Variants in DTD1 observed in about 807,000 individuals in gnomAD.
DTD1 encodes D-tyrosyl-tRNA deacylase 1 homolog.
In DTD1, 13 loss-of-function variants were observed where a neutral mutation model predicts 25.6. The ratio of observed to expected loss-of-function variants is 0.51; its 90% CI spans 0.33 to 0.81. The LOEUF (loss-of-function observed/expected upper bound fraction) is 0.81. Ranked by LOEUF, DTD1 falls within the 30% of genes least tolerant of loss-of-function variation. The pLI is 0.02. For synonymous variants in DTD1, 110 were observed against 103.6 expected (o/e 1.06, Z -0.37); for missense variants, 193 against 266.4 (o/e 0.72, Z 1.92).
chr20:18,696,150 G>C (rs1353371450), intron 4 of DTD1, among the ~76,000 whole-genome samples: 1 of 152,146 alleles, frequency 6.6e-6, no homozygotes, highest in African/African-American at 2.4e-5. Flanking sequence ...CTTCTGTAAA[G>C]AGCACATCTC....
At chr20:18,699,771 TGTGTGTGTAC>T (rs1434142661) in intron 4 of DTD1, among the ~76,000 whole-genome samples, 4 of 152,138 alleles carry the variant, frequency 2.6e-5, no homozygotes, top group African/African-American at 7.2e-5. Flanking sequence ...TGTGTGTTTG[TGTGTGTGTAC>T]GTGTGTGTAC....
At chr20:18,754,136 C>T (rs891878226) in intron 5 of DTD1, among the ~76,000 whole-genome samples, 1 of 152,142 alleles carries the variant, frequency 6.6e-6, no homozygotes, top group Non-Finnish European at 1.5e-5. Context: ...CTAGCACTTG[C>T]ATCCTGTGGT....
chr20:18,589,401 A>G, intron 1 of DTD1, among the ~76,000 whole-genome samples: 1 of 150,862 alleles, frequency 6.6e-6, no homozygotes, highest in East Asian at 1.9e-4. Flanking sequence ...AACAAAACAA[A>G]AACAACAAAA....
chr20:18,715,532 C>T (rs894456837), intron 4 of DTD1, among the ~76,000 whole-genome samples: 3 of 152,082 alleles, frequency 2.0e-5, no homozygotes, highest in East Asian at 1.9e-4. Context: ...GGATGGCCAT[C>T]GACTGAGAAA....
intron 5 of DTD1, among the ~76,000 whole-genome samples, chr20:18,757,156 T>A (rs1600225980): frequency 1.3e-5 from 2 of 152,332 alleles, no homozygotes; most frequent in East Asian, 3.9e-4. Context: ...CTTATCAGCT[T>A]AAGGAGATTT....
chr20:18,661,465 A>G (rs1445800586), intron 4 of DTD1, among the ~76,000 whole-genome samples: 7 of 141,290 alleles, frequency 5.0e-5, no homozygotes, highest in Admixed American at 2.3e-4. Context: ...TCTGCCTCCC[A>G]GGTTCATGCC....
intron 4 of DTD1, among the ~76,000 whole-genome samples, chr20:18,636,528 G>A (rs1287205525): frequency 6.6e-6 from 1 of 152,220 alleles, no homozygotes; most frequent in African/African-American, 2.4e-5. Context: ...TATCTACACA[G>A]AGGTGTTTGC....
At chr20:18,648,317 C>T (rs1226093937) in intron 4 of DTD1, among the ~76,000 whole-genome samples, 2 of 152,250 alleles carry the variant, frequency 1.3e-5, no homozygotes, top group East Asian at 3.9e-4. Context: ...TGAAAATTCC[C>T]AGTGCATAGG....
chr20:18,628,024 G>A (rs926743992), intron 3 of DTD1, 103 bp from the exon 4 acceptor site: 1 of 942,274 alleles, frequency 1.1e-6, no homozygotes, highest in Admixed American at 2.0e-5. Context: ...CCAGTATTGA[G>A]TATGTCTTTA....
At chr20:18,688,038 C>G (rs778193270) in intron 4 of DTD1, among the ~76,000 whole-genome samples, 1 of 152,138 alleles carries the variant, frequency 6.6e-6, no homozygotes, top group African/African-American at 2.4e-5. Flanking sequence ...CTGATGCCAG[C>G]GGCTAGTTTC....
rs1010858376 is a variant in DTD1 at position 18,631,563 on chromosome 20, C to T, written c.477+3330C>T. On this transcript the variant is annotated intron_variant, in intron 4 of 5. Coordinates refer to ENST00000377452, the MANE Select transcript of DTD1 (RefSeq NM_080820.6). Reference sequence around the variant, plus strand: ...CTCCCTTCTGCTCTGCCACAGTGTCCTTGGGTCTGTAAAGGTTCTCACCGA... The same window carrying T: ...CTCCCTTCTGCTCTGCCACAGTGTCTTTGGGTCTGTAAAGGTTCTCACCGA... 3 of 985,352 alleles carry T rather than the reference C, an allele frequency of 3.0e-6. No individual in the cohort carries two copies. The African/African-American group carries it at 5.2e-5, about 17-fold the overall frequency. The allele number at this position is 985,352 out of a possible 1,614,324, so 61.0% of individuals were successfully genotyped here.
chr20:18,644,926 G>A (rs1161099769), intron 4 of DTD1, among the ~76,000 whole-genome samples: 2 of 152,036 alleles, frequency 1.3e-5, no homozygotes, highest in South Asian at 2.1e-4. Flanking sequence ...CAGGAATATC[G>A]CATGAGCCCA....
intron 3 of DTD1, among the ~76,000 whole-genome samples, chr20:18,608,047 T>G (rs938367634): frequency 2.0e-5 from 3 of 152,156 alleles, no homozygotes; most frequent in African/African-American, 7.2e-5. Flanking sequence ...TTTGGCAGAT[T>G]GTACCTTTCA....
chr20:18,590,442 C>T (rs1322942816), intron 1 of DTD1, among the ~76,000 whole-genome samples: 1 of 151,948 alleles, frequency 6.6e-6, no homozygotes, highest in Non-Finnish European at 1.5e-5. Flanking sequence ...CATTTGATGC[C>T]CAGTCCATCA....
chr20:18,688,587 G>A (rs1232275398), intron 4 of DTD1, among the ~76,000 whole-genome samples: 3 of 151,944 alleles, frequency 2.0e-5, no homozygotes, highest in Non-Finnish European at 2.9e-5. Flanking sequence ...GGACTACAGC[G>A]TAACACTTTG....
At chr20:18,601,782 A>G (rs958378754) in intron 3 of DTD1, among the ~76,000 whole-genome samples, 19 of 152,124 alleles carry the variant, frequency 1.2e-4, no homozygotes, top group Non-Finnish European at 2.9e-5. Context: ...GTACATCACC[A>G]TCATCAAAGA....
chr20:18,719,219 AT>A (rs1288871302), intron 4 of DTD1, among the ~76,000 whole-genome samples: 1 of 150,080 alleles, frequency 6.7e-6, no homozygotes, highest in Non-Finnish European at 1.5e-5. Context: ...TTTTGTGTAT[AT>A]TTCTGTGTGT....
chr20:18,721,619 T>C (rs569585662), intron 4 of DTD1, among the ~76,000 whole-genome samples: 10 of 152,222 alleles, frequency 6.6e-5, no homozygotes, highest in Non-Finnish European at 1.5e-4. Context: ...TAGAAGAACA[T>C]ATCTGATTAG....
chr20:18,682,836 C>T (rs1472805369), intron 4 of DTD1, among the ~76,000 whole-genome samples: 2 of 152,184 alleles, frequency 1.3e-5, no homozygotes, highest in African/African-American at 4.8e-5. Context: ...CCTTAAATTA[C>T]CATAGTGGTT....
Sources: gnomAD v4.1 joint callset for allele counts (sites outside exome capture counted in the v4.1 genomes callset) on GRCh38, gnomAD v4.1.1 for gene constraint, MANE v1.5 for transcripts, NCBI Gene and HGNC (gene_info 2026-07-23, HGNC 2026-07-21) for gene names.